The following KHDRBS2 variants were observed in gnomAD, a reference collection of about 807,000 sequenced individuals.
The protein encoded by KHDRBS2 is KH domain-containing, RNA-binding, signal transduction-associated protein 2.
A neutral mutation model predicts 44.3 loss-of-function variants in KHDRBS2; 26 were observed. That is an observed-to-expected ratio of 0.59 (90% confidence interval 0.43 to 0.81). The LOEUF is 0.81. KHDRBS2 is among the 40% of genes least tolerant of loss of function. KHDRBS2 has a pLI of 0.00. For missense variants in KHDRBS2, 476 were observed against 433.1 expected (o/e 1.10, Z -0.88); for synonymous variants, 194 against 151.1 (o/e 1.28, Z -2.08).
At chr6:61,868,600 A>G in intron 6 of KHDRBS2, among the ~76,000 whole-genome samples, 1 of 152,178 alleles carries the variant, frequency 6.6e-6, no homozygotes, top group Non-Finnish European at 1.5e-5. Flanking sequence ...GCATTTTGGT[A>G]AAGCAGCTGC....
At chr6:62,200,946 GAAGCTGGAAACCATCATTCTCAGC>G (rs1188291569) in intron 1 of KHDRBS2, among the ~76,000 whole-genome samples, 1 of 152,162 alleles carries the variant, frequency 6.6e-6, no homozygotes, top group East Asian at 1.9e-4. Context: ...GGGCATGGAT[GAAGCTGGAAACCATCATTCTCAGC>G]AAACTATCGC....
At chr6:61,835,779 T>C (rs1249380993) in intron 6 of KHDRBS2, among the ~76,000 whole-genome samples, 1 of 151,246 alleles carries the variant, frequency 6.6e-6, no homozygotes, top group Non-Finnish European at 1.5e-5. Context: ...GAGAGACTTC[T>C]AAGACAAATT....
At chr6:61,907,537 G>T (rs1430385512) in intron 4 of KHDRBS2, among the ~76,000 whole-genome samples, 2 of 152,078 alleles carry the variant, frequency 1.3e-5, no homozygotes, top group African/African-American at 4.8e-5. Context: ...TTCATAGTTT[G>T]AGGTCTTACA....
At position 62,286,172 on chromosome 6, in the gene KHDRBS2, GCGCAGAGCCCCGGCTCACACCA is replaced by G. The variant is rs1842474990; in HGVS notation, c.-246_-225del. 3.5e-5 allele frequency: 19 copies of G among 546,044 alleles called. No homozygotes were observed. In the South Asian group the frequency reaches 4.3e-4, roughly 12 times the overall value. 33.8% of individuals were successfully genotyped at this position (546,044 alleles called of 1,614,324 possible). A position where few individuals can be genotyped will look rare whatever the true frequency, so the allele number is the denominator to read the frequency against. On this transcript the variant is annotated 5_prime_UTR_variant, in exon 1 of 9. Coordinates refer to ENST00000281156, the MANE Select transcript of KHDRBS2 (RefSeq NM_152688.4). ...CCGTCCCTTCCGTCGTCCCTCGCTC[GCGCAGAGCCCCGGCTCACACCA>G]GCGGCCTTAACTGGAGAGGCGGGAA... is the stretch of plus-strand genomic sequence containing the variant.
chr6:62,163,106 G>A (rs977375205), intron 2 of KHDRBS2, among the ~76,000 whole-genome samples: 3 of 151,964 alleles, frequency 2.0e-5, no homozygotes, highest in Non-Finnish European at 4.4e-5. Flanking sequence ...ATAATCCCTA[G>A]GGAACTTAAA....
At chr6:61,549,084 G>A in the KHDRBS2 span, among the ~76,000 whole-genome samples, 13 of 152,034 alleles carry the variant, frequency 8.6e-5, no homozygotes, top group African/African-American at 2.7e-4. Flanking sequence ...CGTGAAATAC[G>A]GTGAATAATG....
the KHDRBS2 span, among the ~76,000 whole-genome samples, chr6:61,564,052 T>A: frequency 6.6e-6 from 1 of 152,118 alleles, no homozygotes; most frequent in Non-Finnish European, 1.5e-5. Flanking sequence ...ATCTCTGTGA[T>A]TACTGCCACA....
intron 2 of KHDRBS2, among the ~76,000 whole-genome samples, chr6:62,106,279 T>C (rs1340140725): frequency 2.6e-5 from 4 of 152,184 alleles, no homozygotes; most frequent in Admixed American, 1.3e-4. Flanking sequence ...GAGAGTTCTG[T>C]AGATGTCTAT....
the KHDRBS2 span, among the ~76,000 whole-genome samples, chr6:61,648,469 T>C: frequency 6.6e-6 from 1 of 152,154 alleles, no homozygotes. Flanking sequence ...CCACAGCTAT[T>C]CTAATATGTT....
chr6:61,730,319 C>T (rs908970549), intron 7 of KHDRBS2, among the ~76,000 whole-genome samples: 1 of 152,110 alleles, frequency 6.6e-6, no homozygotes, highest in Non-Finnish European at 1.5e-5. Context: ...CATAAATATT[C>T]TGTCAGTATT....
At chr6:61,655,515 A>G in the KHDRBS2 span, among the ~76,000 whole-genome samples, 1 of 152,086 alleles carries the variant, frequency 6.6e-6, no homozygotes, top group South Asian at 2.1e-4. Flanking sequence ...TTGGTCTCCC[A>G]AAGTGTTGGG....
intron 4 of KHDRBS2, among the ~76,000 whole-genome samples, chr6:61,909,729 G>A (rs867624936): frequency 3.9e-5 from 6 of 152,094 alleles, no homozygotes; most frequent in East Asian, 1.9e-4. Flanking sequence ...CCCCAGTTAC[G>A]TACACTCATG....
chr6:62,249,292 T>C (rs1475655344), intron 1 of KHDRBS2, among the ~76,000 whole-genome samples: 1 of 152,094 alleles, frequency 6.6e-6, no homozygotes, highest in Non-Finnish European at 1.5e-5. Context: ...AAGTCCTTAA[T>C]GAATATCTCA....
At chr6:61,903,596 C>T (rs1204407670) in intron 4 of KHDRBS2, among the ~76,000 whole-genome samples, 1 of 152,136 alleles carries the variant, frequency 6.6e-6, no homozygotes, top group African/African-American at 2.4e-5. Flanking sequence ...GATGGTGTCA[C>T]AGACTAAGCC....
At chr6:61,803,688 G>A (rs1348165681) in intron 6 of KHDRBS2, among the ~76,000 whole-genome samples, 1 of 152,110 alleles carries the variant, frequency 6.6e-6, no homozygotes, top group African/African-American at 2.4e-5. Flanking sequence ...GAAGAAAAAG[G>A]TTTAACTCAC....
At chr6:61,732,625 A>G (rs1441215852) in intron 7 of KHDRBS2, 57 bp downstream of exon 7, 17 of 997,668 alleles carry the variant, frequency 1.7e-5, no homozygotes, top group Middle Eastern at 2.1e-4. Context: ...AGATTCAAGA[A>G]ACAAAATTGA....
intron 2 of KHDRBS2, among the ~76,000 whole-genome samples, chr6:62,167,114 C>T (rs1208543305): frequency 6.6e-6 from 1 of 151,932 alleles, no homozygotes; most frequent in Non-Finnish European, 1.5e-5. Flanking sequence ...AGAAGCAACC[C>T]TCCCAAATAA....
At chr6:62,032,457 C>T (rs1209892115) in intron 3 of KHDRBS2, among the ~76,000 whole-genome samples, 1 of 151,906 alleles carries the variant, frequency 6.6e-6, no homozygotes, top group African/African-American at 2.4e-5. Flanking sequence ...CCTTGCTCCT[C>T]AGCCTGCTGA....
chr6:62,156,409 A>T (rs6939991), intron 2 of KHDRBS2, among the ~76,000 whole-genome samples: 5 of 151,784 alleles, frequency 3.3e-5, no homozygotes, highest in Non-Finnish European at 7.4e-5. Flanking sequence ...CGGTAGACTT[A>T]GATTGAACTA....
Sources: allele counts gnomAD v4.1 joint callset (sites outside exome capture counted in the v4.1 genomes callset), GRCh38; gene constraint gnomAD v4.1.1; transcripts MANE v1.5; gene names NCBI Gene and HGNC (gene_info 2026-07-23, HGNC 2026-07-21).